The following POLR1A variants were observed in gnomAD, a reference collection of about 807,000 sequenced individuals.
The protein encoded by POLR1A is RNA polymerase I subunit A, also known as DNA-directed RNA polymerase I subunit RPA1.
A neutral mutation model predicts 205.3 loss-of-function variants in POLR1A; 84 were observed. That is an observed-to-expected ratio of 0.41 (90% CI 0.34 to 0.49). The LOEUF is 0.49. POLR1A is among the 20% of genes least tolerant of loss of function. The probability of loss-of-function intolerance (pLI) is 0.22; values close to 1 mark genes in which losing one functional copy is unlikely to be tolerated. For missense variants in POLR1A, 1,645 were observed against 2,204.5 expected, an observed-to-expected ratio of 0.75 and a Z score of 5.08; for synonymous variants, 799 against 863.7, an observed-to-expected ratio of 0.93 and a Z score of 1.31.
chr2:86,073,364 T>G (rs1464737939), intron 12 of POLR1A, among the ~76,000 whole-genome samples: 1 of 152,186 alleles, frequency 6.6e-6, no homozygotes, highest in African/African-American at 2.4e-5. Context: ...GTGGCAGAGC[T>G]GAGCAGCTAC....
In POLR1A at chr2:86,083,153, T is replaced by C. The variant is rs200199996; in HGVS notation, c.746A>G (p.Gln249Arg). 23 of 1,613,396 alleles carry C rather than the reference T, an allele frequency of 1.4e-5. No individual in the cohort carries two copies. The African/African-American group carries it at 2.5e-4, about 18-fold the overall frequency. Reference protein sequence around the residue: ...DSEPLGIEEAQIGKRGYLTPT... With the variant: ...DSEPLGIEEARIGKRGYLTPT... ...TGTTAAGTATCCTCGTTTTCCTATC[T>C]GAGCTTCCTCAATTCCTGGAGCCAA... is the stretch of plus-strand genomic sequence containing the variant. The change falls in exon 7 of 34, where the codon CAG (glutamine) becomes CGG (arginine). Residue 249 changes from glutamine (Q) to arginine (R), a missense_variant. By Grantham distance (43) the Gln-to-Arg change is conservative. Around this residue, in one of 16 missense-constraint regions of POLR1A, gnomAD observed 330 missense variants for 375.6 expected, o/e 0.88. Coordinates refer to ENST00000263857, the MANE Select transcript of POLR1A (RefSeq NM_015425.6).
At chr2:86,041,624 C>G (rs1239771988) in intron 24 of POLR1A, among the ~76,000 whole-genome samples, 2 of 152,102 alleles carry the variant, frequency 1.3e-5, no homozygotes, top group Non-Finnish European at 2.9e-5. Context: ...CCCAAGAGAG[C>G]AGACTTTCCT....
At chr2:86,041,399 T>C (rs1368646612) in intron 24 of POLR1A, among the ~76,000 whole-genome samples, 1 of 151,854 alleles carries the variant, frequency 6.6e-6, no homozygotes, top group Non-Finnish European at 1.5e-5. Context: ...TCTGTGTGTG[T>C]GTGTGTGTGT....
chr2:86,088,063 T>G (rs1673532296), intron 6 of POLR1A, among the ~76,000 whole-genome samples: 1 of 152,038 alleles, frequency 6.6e-6, no homozygotes, highest in African/African-American at 2.4e-5. Context: ...ATCTCAAAAT[T>G]TTTCCCAAGC....
chr2:86,104,487 C>T (rs1415186702), intron 1 of POLR1A, among the ~76,000 whole-genome samples: 2 of 143,978 alleles, frequency 1.4e-5, no homozygotes, highest in South Asian at 2.2e-4. Context: ...ATTGCTCTGT[C>T]GCCAGGCTGG....
intron 27 of POLR1A, among the ~76,000 whole-genome samples, chr2:86,034,141 C>G (rs2104383006): frequency 6.6e-6 from 1 of 152,354 alleles, no homozygotes; most frequent in Middle Eastern, 3.4e-3. Flanking sequence ...AACCCTATGT[C>G]TGATTCCTCT....
chr2:86,094,195 T>C (rs368246615), intron 3 of POLR1A, among the ~76,000 whole-genome samples: 34 of 152,296 alleles, frequency 2.2e-4, no homozygotes, highest in African/African-American at 6.5e-4. Flanking sequence ...AAAGACTATG[T>C]GTGTGTATGG....
At chr2:86,068,498 A>C (rs764002935) in intron 13 of POLR1A, among the ~76,000 whole-genome samples, 8 of 151,258 alleles carry the variant, frequency 5.3e-5, no homozygotes, top group Non-Finnish European at 8.8e-5. Context: ...CACCAACCTC[A>C]TAAGGAAGGG....
Position 86,022,711 on chromosome 2 carries a change from CTT to C in POLR1A, c.*4710_*4711del, listed in dbSNP as rs1180924739. 1.3e-5 allele frequency: 2 copies of C among 152,192 alleles called. No homozygotes were observed. Among genetic ancestry groups the C allele is most frequent in the South Asian group, 2.1e-4 (1 of 4,822 alleles). 9.4% of individuals were successfully genotyped at this position (152,192 alleles called of 1,614,324 possible). The stretch of plus-strand genomic sequence containing the variant: ...TCACTTGCTCCTCTCACCTCAGCCT[CTT>C]GAGTAGCTGGGACCACAGGCACATG... On this transcript the variant is annotated 3_prime_UTR_variant, in exon 34 of 34. Coordinates refer to ENST00000263857, the MANE Select transcript of POLR1A (RefSeq NM_015425.6).
intron 18 of POLR1A, among the ~76,000 whole-genome samples, chr2:86,048,570 T>G (rs1672746633): frequency 6.6e-6 from 1 of 152,236 alleles, no homozygotes; most frequent in South Asian, 2.1e-4. Context: ...CTCACCCTGC[T>G]TATTCACCCC....
chr2:86,066,107 G>T (rs1296436953), intron 13 of POLR1A, among the ~76,000 whole-genome samples: 1 of 152,222 alleles, frequency 6.6e-6, no homozygotes, highest in Non-Finnish European at 1.5e-5. Flanking sequence ...TGAGGTGAGG[G>T]GGATGGTCAG....
chr2:86,032,825 C>G (rs548854528), intron 28 of POLR1A, among the ~76,000 whole-genome samples: 33 of 152,278 alleles, frequency 2.2e-4, no homozygotes, highest in African/African-American at 7.7e-4. Context: ...TTTATACTCT[C>G]CTTCTGGGTG....
At chr2:86,091,102 G>GC (rs568797840) in intron 3 of POLR1A, among the ~76,000 whole-genome samples, 206 of 152,218 alleles carry the variant, frequency 1.4e-3, no homozygotes, top group African/African-American at 4.7e-3. Flanking sequence ...GGAACTACCA[G>GC]CCCTTGTACA....
chr2:86,039,009 G>C, intron 26 of POLR1A, 152 bp from the exon 27 acceptor site: 1 of 720,342 alleles, frequency 1.4e-6, no homozygotes, highest in East Asian at 2.7e-5. Context: ...TACTGGTGTG[G>C]ATCTGCTGGG....
chr2:86,064,151 G>A (rs1673047342), intron 14 of POLR1A, among the ~76,000 whole-genome samples: 1 of 152,172 alleles, frequency 6.6e-6, no homozygotes, highest in Non-Finnish European at 1.5e-5. Flanking sequence ...TGTCTCTAAA[G>A]GTTGGTACGG....
chr2:86,089,370 A>T (rs1339974778), intron 4 of POLR1A, among the ~76,000 whole-genome samples: 1 of 152,224 alleles, frequency 6.6e-6, no homozygotes. Context: ...TTAAATCAGC[A>T]TCTCTGGTGT....
Position 86,053,015 on chromosome 2 carries a change from G to C in POLR1A, c.2209-15C>G. Reference sequence around the variant, plus strand: ...CTGATGATCACCTGCAGAGGGCAAGGCCACCAATGCCGGGCTGCGGGTGAT... The same window carrying C: ...CTGATGATCACCTGCAGAGGGCAAGCCCACCAATGCCGGGCTGCGGGTGAT... On this transcript the variant is annotated splice_polypyrimidine_tract_variant and intron_variant, in intron 15 of 33. Transcript: ENST00000263857. 2 of 1,541,246 alleles carry C rather than the reference G, an allele frequency of 1.3e-6. No individual in the cohort carries two copies. Among genetic ancestry groups the C allele is most frequent in the Non-Finnish European group, 1.8e-6 (2 of 1,140,224 alleles).
intron 13 of POLR1A, among the ~76,000 whole-genome samples, chr2:86,067,114 T>C (rs1673095374): frequency 6.6e-6 from 1 of 152,216 alleles, no homozygotes; most frequent in African/African-American, 2.4e-5. Context: ...GGCTAAATCA[T>C]TTTCAATGCA....
chr2:86,097,214 C>CAAACAAAAAAAAAAAAAAAAAAA (rs1673720255), intron 3 of POLR1A, among the ~76,000 whole-genome samples: 1 of 39,690 alleles, frequency 2.5e-5, no homozygotes, highest in African/African-American at 9.9e-5. Context: ...CCCCAAAAGA[C>CAAACAAAAAAAAAAAAAAAAAAA]AAAAAAAAAA....
Sources: gnomAD v4.1 joint callset for allele counts (sites outside exome capture counted in the v4.1 genomes callset) on GRCh38, gnomAD v4.1.1 for gene constraint, gnomAD v4.1.1 regional missense constraint, MANE v1.5 for transcripts, NCBI Gene and HGNC (gene_info 2026-07-23, HGNC 2026-07-21) for gene names.